The following PRSS55 variants were observed in gnomAD, a reference collection of about 807,000 sequenced individuals.
The protein encoded by PRSS55 is serine protease 55, also known as probable serine protease UNQ9391/PRO34284.
A neutral mutation model predicts 23.6 loss-of-function variants in PRSS55; 41 were observed. The observed-to-expected ratio is 1.74, with a 90% CI of 1.35 to 2.26. The LOEUF (loss-of-function observed/expected upper bound fraction) is 2.26. Ranked by LOEUF, PRSS55 falls within the 30% of genes most tolerant of loss-of-function variation. The pLI, the probability that PRSS55 is intolerant of heterozygous loss-of-function variation, is 0.00. For missense variants in PRSS55, 669 were observed against 439.1 expected (o/e 1.52, Z -4.68); for synonymous variants, 262 against 175.5 (o/e 1.49, Z -3.90).
At chr8:10,536,224 A>G (rs1170521562) in intron 4 of PRSS55, among the ~76,000 whole-genome samples, 2 of 152,188 alleles carry the variant, frequency 1.3e-5, no homozygotes, top group Non-Finnish European at 1.5e-5. Context: ...TCTCAAAAGA[A>G]GACATACATG....
intron 4 of PRSS55, among the ~76,000 whole-genome samples, chr8:10,535,046 C>T (rs558734962): frequency 3.9e-5 from 6 of 152,234 alleles, no homozygotes; most frequent in African/African-American, 1.4e-4. Flanking sequence ...AATTACAAAA[C>T]ATTACTGAAA....
At chr8:10,541,581 G>T (rs1340163498), downstream of PRSS55, 1 of 152,102 alleles carries the variant, frequency 6.6e-6, no homozygotes, top group African/African-American at 2.4e-5. Flanking sequence ...ATAATAAACA[G>T]CTTCATATCT....
At chr8:10,539,767 C>A (rs4240653), downstream of PRSS55, among the ~76,000 whole-genome samples, 42 of 152,222 alleles carry the variant, frequency 2.8e-4, no homozygotes, top group Non-Finnish European at 4.9e-4. Flanking sequence ...ATTGTGAGGC[C>A]TCTCCAGCTA....
intron 4 of PRSS55, chr8:10,553,905 A>C (rs1445423539): frequency 2.2e-6 from 3 of 1,382,650 alleles, no homozygotes; most frequent in Non-Finnish European, 2.9e-6. Context: ...AAATACATAA[A>C]ATTTTTTTAA....
intron 4 of PRSS55, among the ~76,000 whole-genome samples, chr8:10,551,872 C>G (rs1812959756): frequency 1.3e-5 from 2 of 152,232 alleles, no homozygotes; most frequent in Admixed American, 1.3e-4. Flanking sequence ...TAATAGGAAC[C>G]AACAAATTCT....
chr8:10,533,239 G>C (rs577450391), intron 4 of PRSS55, among the ~76,000 whole-genome samples, 191 bp downstream of exon 4: 2 of 152,216 alleles, frequency 1.3e-5, no homozygotes, highest in Non-Finnish European at 2.9e-5. Context: ...CACCCTGGGA[G>C]TCAATATGCT....
At chr8:10,528,899 C>A (rs1183709079) in intron 1 of PRSS55, among the ~76,000 whole-genome samples, 1 of 152,174 alleles carries the variant, frequency 6.6e-6, no homozygotes, top group African/African-American at 2.4e-5. Context: ...TCTTCAAAGC[C>A]AGCTATGTTG....
At chr8:10,541,957 G>A (rs796920226), downstream of PRSS55, among the ~76,000 whole-genome samples, 13 of 152,140 alleles carry the variant, frequency 8.5e-5, no homozygotes, top group African/African-American at 3.1e-4. Context: ...AAAATTTTTT[G>A]TAGAGATGGG....
chr8:10,549,446 C>T lies in PRSS55; in HGVS notation c.742-4497C>T, dbSNP rs564859819. ...CATTTCAGAGGGTGGATGATGGCATCGGCATGTTGGGATGTGGGCTGGGTA... is the reference window on the plus strand; with the variant it reads ...CATTTCAGAGGGTGGATGATGGCATTGGCATGTTGGGATGTGGGCTGGGTA... On this transcript the variant is annotated intron_variant, in intron 4 of 4. Coordinates refer to the PRSS55 transcript ENST00000522210. Among the ~76,000 whole-genome samples, 98 of 152,306 alleles carry T rather than the reference C, an allele frequency of 6.4e-4. 1 individual carries two copies. Among genetic ancestry groups the T allele is most frequent in the Non-Finnish European group, 1.2e-3 (84 of 68,032 alleles).
chr8:10,549,907 A>G (rs962139813), intron 4 of PRSS55, among the ~76,000 whole-genome samples: 2 of 152,230 alleles, frequency 1.3e-5, no homozygotes, highest in East Asian at 1.9e-4. Flanking sequence ...CTGATAACCC[A>G]TAAGTCATTT....
chr8:10,533,186 G>C, intron 4 of PRSS55, 138 bp downstream of exon 4: 1 of 917,462 alleles, frequency 1.1e-6, no homozygotes, highest in Non-Finnish European at 1.6e-6. Context: ...GCAGCCATGA[G>C]AATGAGTATG....
rs373068427 is a variant in PRSS55 at position 10,531,275 on chromosome 8, C to G, written c.348-20C>G. The G allele has an allele frequency of 1.4e-5, 23 of 1,612,304 alleles. No individual in the cohort carries two copies. The East Asian group carries it at 3.1e-4, about 22-fold the overall frequency. On this transcript the variant is annotated intron_variant, in intron 2 of 4. Transcript: ENST00000328655. ...TTCCCTTCCCCTTCCACTTGCCCCT[C>G]TCTGGTTCTCTGCCACCAGTCCAGA...
chr8:10,528,381 G>A (rs916500262), intron 1 of PRSS55, among the ~76,000 whole-genome samples: 2 of 152,164 alleles, frequency 1.3e-5, no homozygotes, highest in South Asian at 2.1e-4. Flanking sequence ...TGGAAAATAA[G>A]CAGCAAGAAA....
downstream of PRSS55, chr8:10,540,445 C>A (rs965396259): frequency 2.0e-5 from 3 of 152,320 alleles, no homozygotes; most frequent in Non-Finnish European, 4.4e-5. Flanking sequence ...GGCGAGGTGG[C>A]TCATGCCTGT....
chr8:10,545,397 G>C (rs1317463685), intron 4 of PRSS55, among the ~76,000 whole-genome samples: 1 of 152,096 alleles, frequency 6.6e-6, no homozygotes, highest in African/African-American at 2.4e-5. Flanking sequence ...GTCTCACCAT[G>C]TTGCCCAGGC....
downstream of PRSS55, among the ~76,000 whole-genome samples, chr8:10,543,312 G>C (rs1281888382): frequency 6.6e-6 from 1 of 152,150 alleles, no homozygotes; most frequent in Non-Finnish European, 1.5e-5. Flanking sequence ...ACTGCCCTGA[G>C]AGTGAAGTCA....
In PRSS55 at chr8:10,530,227, C is replaced by A. The variant is rs1358488369; in HGVS notation, c.347+528C>A. On this transcript the variant is annotated intron_variant, in intron 2 of 4. Transcript: ENST00000328655. ...GCTCACGCCTGTCATCCCAGCACTT[C>A]GGGAGGCTGAGGCAGGTGGATCAGG... is the stretch of plus-strand genomic sequence containing the variant. Among the ~76,000 whole-genome samples, 3 of 152,306 alleles carry A rather than the reference C, an allele frequency of 2.0e-5. No homozygotes were observed. In the South Asian group the frequency reaches 6.2e-4, roughly 32 times the overall value.
At chr8:10,536,852 C>G (rs1812472967) in intron 4 of PRSS55, among the ~76,000 whole-genome samples, 2 of 152,070 alleles carry the variant, frequency 1.3e-5, no homozygotes, top group South Asian at 4.2e-4. Context: ...CAATAGACAC[C>G]AGGACCTACT....
chr8:10,544,554 GT>G (rs2117072629), intron 4 of PRSS55, among the ~76,000 whole-genome samples: 1 of 152,156 alleles, frequency 6.6e-6, no homozygotes, highest in East Asian at 1.9e-4. Context: ...ATTTTGGTTG[GT>G]TTTCCTGTAT....
Sources: allele counts gnomAD v4.1 joint callset (sites outside exome capture counted in the v4.1 genomes callset), GRCh38; gene constraint gnomAD v4.1.1; transcripts MANE v1.5; gene names NCBI Gene and HGNC (gene_info 2026-07-23, HGNC 2026-07-21).